Variants in PIK3C2G observed in about 807,000 individuals in gnomAD.
PIK3C2G encodes phosphatidylinositol-4-phosphate 3-kinase catalytic subunit type 2 gamma.
PIK3C2G carries 168 observed loss-of-function variants against 181.1 expected under a neutral mutation model. The ratio of observed to expected loss-of-function variants is 0.93; its 90% CI spans 0.82 to 1.05. The LOEUF (loss-of-function observed/expected upper bound fraction) is 1.05, where lower values mean the gene tolerates loss of function less well. Among genes scored for constraint, PIK3C2G ranks in the 50% least tolerant of loss-of-function variants. PIK3C2G has a pLI of 0.00. For synonymous variants in PIK3C2G, 573 were observed against 592.2 expected (o/e 0.97, Z 0.47); for missense variants, 1,869 against 1,732.8 (o/e 1.08, Z -1.40).
intron 10 of PIK3C2G, among the ~76,000 whole-genome samples, chr12:18,346,304 A>G (rs1427008984): frequency 6.6e-6 from 1 of 152,190 alleles, no homozygotes; most frequent in Non-Finnish European, 1.5e-5. Context: ...TCTGAAAATT[A>G]ATTTTAAACA....
intron 11 of PIK3C2G, among the ~76,000 whole-genome samples, chr12:18,353,873 G>C (rs1940462241): frequency 1.3e-5 from 2 of 152,176 alleles, no homozygotes; most frequent in African/African-American, 4.8e-5. Context: ...GGTCAGTATA[G>C]TTGAGAGGCT....
chr12:18,352,048 T>C (rs535616512), intron 11 of PIK3C2G, among the ~76,000 whole-genome samples: 1 of 152,316 alleles, frequency 6.6e-6, no homozygotes, highest in African/African-American at 2.4e-5. Context: ...GTTTTATTTT[T>C]ATTGTCATTT....
intron 24 of PIK3C2G, among the ~76,000 whole-genome samples, chr12:18,515,673 C>T (rs368473253): frequency 5.8e-4 from 88 of 151,970 alleles, no homozygotes; most frequent in African/African-American, 1.7e-3. Flanking sequence ...CAACTATCTT[C>T]GTCATTGATC....
intron 18 of PIK3C2G, among the ~76,000 whole-genome samples, chr12:18,442,141 T>C (rs1390482433): frequency 6.6e-6 from 1 of 152,190 alleles, no homozygotes; most frequent in Non-Finnish European, 1.5e-5. Flanking sequence ...ATATACAATA[T>C]GTTTTTGCAT....
chr12:18,687,769 G>A, the PIK3C2G span, among the ~76,000 whole-genome samples: 1 of 151,962 alleles, frequency 6.6e-6, no homozygotes. Context: ...AAGGCTAGAA[G>A]CTAAGTAGAT....
chr12:18,531,240 C>A (rs1943538209), intron 24 of PIK3C2G, among the ~76,000 whole-genome samples: 1 of 152,052 alleles, frequency 6.6e-6, no homozygotes, highest in East Asian at 1.9e-4. Flanking sequence ...TATATATTAT[C>A]TATGTCAAGG....
At chr12:18,684,707 A>G in the PIK3C2G span, among the ~76,000 whole-genome samples, 1 of 152,096 alleles carries the variant, frequency 6.6e-6, no homozygotes. Flanking sequence ...ATAAATTGAG[A>G]AATGAAGAAA....
chr12:18,705,017 C>T, the PIK3C2G span: 17 of 899,044 alleles, frequency 1.9e-5, no homozygotes, highest in Non-Finnish European at 2.6e-5. Flanking sequence ...GAGAACATTC[C>T]CTAGGCAACA....
At chr12:18,671,799 G>C in the PIK3C2G span, among the ~76,000 whole-genome samples, 3 of 152,190 alleles carry the variant, frequency 2.0e-5, no homozygotes, top group South Asian at 6.2e-4. Context: ...ATCCATGGAG[G>C]GGCTACAAAC....
intron 12 of PIK3C2G, among the ~76,000 whole-genome samples, chr12:18,368,921 T>A (rs764984236): frequency 6.6e-6 from 1 of 152,176 alleles, no homozygotes; most frequent in Non-Finnish European, 1.5e-5. Context: ...GGGTAAAAAC[T>A]GCTCCCTAGG....
At chr12:18,339,565 A>G (rs10841017) in intron 9 of PIK3C2G, among the ~76,000 whole-genome samples, 9,652 of 152,136 alleles carry the variant, frequency 0.063, 1,027 homozygotes, top group African/African-American at 0.22. Context: ...GAACAAGAGA[A>G]ATTCTACTAC....
At chr12:18,546,549 C>A in intron 26 of PIK3C2G, 117 bp downstream of exon 26, 1 of 650,482 alleles carries the variant, frequency 1.5e-6, no homozygotes, top group Non-Finnish European at 2.8e-6. Context: ...GTTTCTAGAA[C>A]AAGCTTGTGT....
chr12:18,392,429 A>G (rs1298711215), intron 15 of PIK3C2G, among the ~76,000 whole-genome samples: 4 of 152,108 alleles, frequency 2.6e-5, no homozygotes, highest in African/African-American at 9.7e-5. Flanking sequence ...ATTCACTTCA[A>G]GCCAGTAACA....
At chr12:18,478,999 ATG>A (rs1939288788) in intron 18 of PIK3C2G, among the ~76,000 whole-genome samples, 1 of 147,964 alleles carries the variant, frequency 6.8e-6, no homozygotes, top group Admixed American at 6.8e-5. Context: ...ATATATATAT[ATG>A]TATATATATA....
the PIK3C2G span, among the ~76,000 whole-genome samples, chr12:18,672,813 G>C: frequency 6.6e-6 from 1 of 152,078 alleles, no homozygotes; most frequent in Non-Finnish European, 1.5e-5. Context: ...GGAGCAAGAG[G>C]GCACAGAAAT....
chr12:18,608,853 G>T (rs533415372), intron 30 of PIK3C2G, among the ~76,000 whole-genome samples: 1 of 152,028 alleles, frequency 6.6e-6, no homozygotes, highest in Non-Finnish European at 1.5e-5. Context: ...GAAAGTTGTC[G>T]TCTGAAACTT....
intron 1 of PIK3C2G, among the ~76,000 whole-genome samples, chr12:18,254,693 A>G (rs1311686968): frequency 6.6e-6 from 1 of 151,384 alleles, no homozygotes; most frequent in African/African-American, 2.4e-5. Context: ...AAGTGCAAAA[A>G]TTAGCTGGGC....
At chr12:18,688,106 C>G in the PIK3C2G span, 2 of 1,610,948 alleles carry the variant, frequency 1.2e-6, no homozygotes, top group Non-Finnish European at 1.7e-6. Context: ...TTTAATTACA[C>G]GAGTCTGCTG....
intron 24 of PIK3C2G, among the ~76,000 whole-genome samples, chr12:18,517,119 G>A (rs1942605553): frequency 6.6e-6 from 1 of 151,008 alleles, no homozygotes; most frequent in African/African-American, 2.4e-5. Flanking sequence ...TGAGAAGTTG[G>A]CCATGTCTTC....
Sources: gnomAD v4.1 joint callset for allele counts (sites outside exome capture counted in the v4.1 genomes callset) on GRCh38, gnomAD v4.1.1 for gene constraint, MANE v1.5 for transcripts, NCBI Gene and HGNC (gene_info 2026-07-23, HGNC 2026-07-21) for gene names.